Variants in DLG5 observed in about 807,000 individuals in gnomAD.
DLG5 encodes discs large MAGUK scaffold protein 5.
In DLG5, 48 loss-of-function variants were observed where a neutral mutation model predicts 189.8. That is an observed-to-expected ratio of 0.25 (90% CI 0.20 to 0.32). The LOEUF is 0.32. Among genes scored for constraint, DLG5 ranks in the 10% least tolerant of loss-of-function variants. The pLI is 1.00. For missense variants in DLG5, 2,160 were observed against 2,544.7 expected, an observed-to-expected ratio of 0.85 and a Z score of 3.25; for synonymous variants, 1,016 against 1,054.1, an observed-to-expected ratio of 0.96 and a Z score of 0.70.
chr10:77,857,572 C>T (rs1475651697), intron 2 of DLG5, among the ~76,000 whole-genome samples: 1 of 152,206 alleles, frequency 6.6e-6, no homozygotes, highest in African/African-American at 2.4e-5. Context: ...ACTTAACCCT[C>T]ACCAGCCCTC....
chr10:77,846,413 T>G (rs1843694584), intron 5 of DLG5, among the ~76,000 whole-genome samples: 1 of 150,724 alleles, frequency 6.6e-6, no homozygotes, highest in Non-Finnish European at 1.5e-5. Flanking sequence ...TAAAAATTAC[T>G]TCAGGCCGGG....
At chr10:77,815,016 G>A (rs1841982679) in intron 20 of DLG5, among the ~76,000 whole-genome samples, 1 of 152,118 alleles carries the variant, frequency 6.6e-6, no homozygotes, top group African/African-American at 2.4e-5. Context: ...TAACCACCGT[G>A]AGGGCAGGAG....
intron 1 of DLG5, among the ~76,000 whole-genome samples, chr10:77,872,569 T>G (rs1445709596): frequency 1.3e-5 from 2 of 152,148 alleles, no homozygotes; most frequent in Non-Finnish European, 2.9e-5. Context: ...TTTTACAATG[T>G]TCCCAGAGCC....
At chr10:77,888,185 G>A (rs1225747789) in intron 1 of DLG5, among the ~76,000 whole-genome samples, 1 of 152,208 alleles carries the variant, frequency 6.6e-6, no homozygotes, top group Non-Finnish European at 1.5e-5. Flanking sequence ...GGGGAGGGCT[G>A]TTGGGGAGCA....
At chr10:77,913,736 T>C (rs1238199431) in intron 1 of DLG5, among the ~76,000 whole-genome samples, 1 of 152,016 alleles carries the variant, frequency 6.6e-6, no homozygotes. Context: ...ATACAGGCAG[T>C]GTCCCCTTGC....
chr10:77,892,151 C>T (rs1845629166), intron 1 of DLG5, among the ~76,000 whole-genome samples: 1 of 152,190 alleles, frequency 6.6e-6, no homozygotes, highest in Non-Finnish European at 1.5e-5. Flanking sequence ...CCGGGATGCC[C>T]CAGCTAATGG....
intron 20 of DLG5, among the ~76,000 whole-genome samples, chr10:77,815,338 T>C (rs1447062525): frequency 1.3e-5 from 2 of 152,172 alleles, no homozygotes; most frequent in Non-Finnish European, 1.5e-5. Context: ...TTGGTTGCCT[T>C]TTAAGTTCAG....
intron 1 of DLG5, among the ~76,000 whole-genome samples, chr10:77,879,226 G>T (rs1197843380): frequency 6.6e-6 from 1 of 152,178 alleles, no homozygotes; most frequent in Non-Finnish European, 1.5e-5. Flanking sequence ...TAGAGGAAGC[G>T]TGGAGTGCCA....
At chr10:77,870,590 G>A (rs989202893) in intron 1 of DLG5, among the ~76,000 whole-genome samples, 1 of 152,074 alleles carries the variant, frequency 6.6e-6, no homozygotes, top group Non-Finnish European at 1.5e-5. Flanking sequence ...AGTCTGAGGT[G>A]GGAGGATCAC....
intron 14 of DLG5, among the ~76,000 whole-genome samples, chr10:77,823,947 C>A (rs2154575715): frequency 6.6e-6 from 1 of 152,228 alleles, no homozygotes; most frequent in South Asian, 2.1e-4. Flanking sequence ...GAGGCAAGGT[C>A]TCGCTGTGTT....
chr10:77,881,711 G>A (rs1845286719), intron 1 of DLG5, among the ~76,000 whole-genome samples: 1 of 152,182 alleles, frequency 6.6e-6, no homozygotes, highest in African/African-American at 2.4e-5. Flanking sequence ...CAAAAGAACT[G>A]TAAAGGTGTC....
intron 1 of DLG5, among the ~76,000 whole-genome samples, chr10:77,898,370 C>T (rs1277656151): frequency 6.6e-6 from 1 of 152,244 alleles, no homozygotes; most frequent in Admixed American, 6.5e-5. Context: ...AACCTCTCCA[C>T]AGAGGGGAGC....
chr10:77,828,860 T>G, intron 13 of DLG5, 22 bp downstream of exon 13: 2 of 1,596,454 alleles, frequency 1.3e-6, no homozygotes, highest in Non-Finnish European at 1.7e-6. Flanking sequence ...CAGATGACCC[T>G]GGCTCCAGCC....
At chr10:77,877,801 G>T (rs1845147417) in intron 1 of DLG5, among the ~76,000 whole-genome samples, 2 of 152,126 alleles carry the variant, frequency 1.3e-5, no homozygotes, top group South Asian at 4.1e-4. Context: ...GTGGAGGGGG[G>T]ACAACGAACA....
chr10:77,831,307 G>A (rs1227757053), intron 9 of DLG5, among the ~76,000 whole-genome samples: 1 of 152,034 alleles, frequency 6.6e-6, no homozygotes, highest in East Asian at 1.9e-4. Context: ...CAGGAGGCAG[G>A]AGAATTACTT....
intron 1 of DLG5, among the ~76,000 whole-genome samples, chr10:77,879,116 T>G (rs1248652): frequency 0.26 from 39,176 of 152,042 alleles, 5,641 homozygotes; most frequent in Admixed American, 0.39. Context: ...AGAAAAATGT[T>G]GCAGAGTTAA....
chr10:77,840,445 C>T (rs1589194369), intron 7 of DLG5, among the ~76,000 whole-genome samples: 3 of 152,074 alleles, frequency 2.0e-5, no homozygotes, highest in East Asian at 3.9e-4. Context: ...GCTCACCAGG[C>T]GGTGAATTAT....
At position 77,792,535 on chromosome 10, in the gene DLG5, G is replaced by A. The variant is rs1452078912; in HGVS notation, c.5665C>T (p.Gln1889Ter). Reference protein sequence around the residue: ...EYSRYFTGVIQGGALSSICTQ... With the variant: ...EYSRYFTGVI ...CAAATGCTTGACAGGGCTCCTCCCT[G>A]GATGACCCCTGCAAAAGAGCCCCCC... Residue 1889 changes from glutamine to a stop codon, truncating the protein, a stop_gained, in exon 32 of 32, where the codon CAG becomes TAG. Coordinates refer to ENST00000372391, the MANE Select transcript of DLG5 (RefSeq NM_004747.4). LOFTEE classifies it high-confidence loss of function. 1.2e-6 allele frequency: 2 copies of A among 1,614,014 alleles called. No homozygotes were observed.
intron 11 of DLG5, 142 bp from the exon 12 acceptor site, chr10:77,829,672 C>A (rs1842809697): frequency 2.9e-6 from 3 of 1,042,084 alleles, no homozygotes. Context: ...TGCAGGAGTG[C>A]ACAGTGGTGA....
Sources: gnomAD v4.1 joint callset for allele counts (sites outside exome capture counted in the v4.1 genomes callset) on GRCh38, gnomAD v4.1.1 for gene constraint, MANE v1.5 for transcripts, NCBI Gene and HGNC (gene_info 2026-07-23, HGNC 2026-07-21) for gene names.